Variants in CNTNAP5 observed in about 807,000 individuals in gnomAD.
CNTNAP5 encodes contactin-associated protein-like 5.
CNTNAP5 carries 72 observed loss-of-function variants against 150.2 expected under a neutral mutation model. The observed-to-expected ratio is 0.48, with a 90% confidence interval of 0.40 to 0.58. The LOEUF (loss-of-function observed/expected upper bound fraction) is 0.58. CNTNAP5 is among the 20% of genes least tolerant of loss of function. CNTNAP5 has a pLI of 0.00. For missense variants in CNTNAP5, 1,636 were observed against 1,626.2 expected (o/e 1.01, Z -0.10); for synonymous variants, 672 against 619.8 (o/e 1.08, Z -1.25).
intron 1 of CNTNAP5, among the ~76,000 whole-genome samples, chr2:124,179,712 T>C (rs1285753774): frequency 1.3e-5 from 2 of 152,276 alleles, no homozygotes; most frequent in Admixed American, 1.3e-4. Flanking sequence ...AGGGGTTGGG[T>C]TATTCCAAAT....
In CNTNAP5 at chr2:124,624,860, A is replaced by T. The variant is rs193299632; in HGVS notation, c.1876+14940A>T. ...GAATTTTGTAGTAGAAGCAGCTAAC[A>T]TTTATCCAGCAGCTGCTGGTATTAG... On this transcript the variant is annotated intron_variant, in intron 12 of 23. Transcript: ENST00000682447. Among the ~76,000 whole-genome samples, 4 of 152,262 alleles carry T rather than the reference A, an allele frequency of 2.6e-5. No individual in the cohort carries two copies. The East Asian group carries it at 7.7e-4, about 29-fold the overall frequency.
At chr2:124,539,637 C>T (rs1695331064) in intron 10 of CNTNAP5, among the ~76,000 whole-genome samples, 1 of 152,098 alleles carries the variant, frequency 6.6e-6, no homozygotes, top group Non-Finnish European at 1.5e-5. Context: ...GATATTATTC[C>T]CGCCTGCCTC....
At chr2:124,193,192 C>T (rs889905448) in intron 1 of CNTNAP5, among the ~76,000 whole-genome samples, 4 of 152,178 alleles carry the variant, frequency 2.6e-5, no homozygotes, top group African/African-American at 7.2e-5. Context: ...ATGGCCTTAG[C>T]TTAGCTTAAT....
chr2:124,294,473 C>A (rs1195529045), intron 3 of CNTNAP5, among the ~76,000 whole-genome samples: 2 of 151,710 alleles, frequency 1.3e-5, no homozygotes, highest in Non-Finnish European at 2.9e-5. Flanking sequence ...ATCTTTAGTA[C>A]CAGAGGAGAA....
chr2:124,811,111 C>A (rs1682208010), intron 19 of CNTNAP5, among the ~76,000 whole-genome samples: 1 of 145,072 alleles, frequency 6.9e-6, no homozygotes, highest in Non-Finnish European at 1.5e-5. Flanking sequence ...GAAAACCAAC[C>A]TCACCAAAAT....
intron 3 of CNTNAP5, among the ~76,000 whole-genome samples, chr2:124,365,374 A>G (rs751089301): frequency 7.9e-5 from 12 of 152,234 alleles, no homozygotes; most frequent in Non-Finnish European, 1.6e-4. Context: ...ACTTGCGGGA[A>G]TCTTTGCATA....
intron 3 of CNTNAP5, among the ~76,000 whole-genome samples, chr2:124,343,993 A>G (rs1002251504): frequency 1.3e-5 from 2 of 152,142 alleles, no homozygotes; most frequent in African/African-American, 4.8e-5. Flanking sequence ...ATCTATCCCC[A>G]TGAGAACTCA....
At chr2:124,334,924 A>T (rs894241971) in intron 3 of CNTNAP5, among the ~76,000 whole-genome samples, 1 of 152,156 alleles carries the variant, frequency 6.6e-6, no homozygotes, top group African/African-American at 2.4e-5. Context: ...CAGAGACTCA[A>T]TCCAATGAAC....
intron 1 of CNTNAP5, among the ~76,000 whole-genome samples, chr2:124,128,038 G>A (rs1367687548): frequency 2.6e-5 from 4 of 152,032 alleles, no homozygotes; most frequent in African/African-American, 4.8e-5. Flanking sequence ...AGCAATGGCA[G>A]CAAAAGCCAA....
intron 21 of CNTNAP5, among the ~76,000 whole-genome samples, chr2:124,893,328 G>A (rs1190221553): frequency 1.3e-5 from 2 of 152,084 alleles, no homozygotes; most frequent in African/African-American, 2.4e-5. Context: ...ATTAGAGATC[G>A]ATTTGTGAGA....
rs66534077 is a variant in CNTNAP5 at position 124,212,829 on chromosome 2, C to CTTTTT, written c.83-8853_83-8849dup. ...TGGGACCTACCATGTGTAGATAAAT[C>CTTTTT]TTTTTTTTTTTTTTTTTTTTTTTTT... On this transcript the variant is annotated intron_variant, in intron 1 of 23. Coordinates refer to ENST00000682447, the MANE Select transcript of CNTNAP5 (RefSeq NM_001367498.1). 1.9e-4 allele frequency among the ~76,000 whole-genome samples: 12 copies of CTTTTT among 62,870 alleles called. 1 individual carries two copies. The highest frequency in any genetic ancestry group is 2.3e-4 in the Admixed American group (1 of 4,388). The allele number at this position is 62,870 out of a possible 152,430, so 41.2% of individuals were successfully genotyped here. A position where few individuals can be genotyped will look rare whatever the true frequency, so the allele number is the denominator to read the frequency against.
rs1696250678 is a variant in CNTNAP5, at chr2:124,575,093, G to A, written c.1756+11770G>A. ...TTTTTTCCCACTGCAACCTTGATGA[G>A]GGACGAGGCAAGTACGCTTTAATGT... On this transcript the variant is annotated intron_variant, in intron 11 of 23. Coordinates refer to ENST00000682447, the MANE Select transcript of CNTNAP5 (RefSeq NM_001367498.1). Among the ~76,000 whole-genome samples the A allele has an allele frequency of 2.0e-5, 3 of 152,206 alleles. No individual in the cohort carries two copies. The South Asian group carries it at 6.2e-4, about 32-fold the overall frequency.
intron 1 of CNTNAP5, among the ~76,000 whole-genome samples, chr2:124,136,348 A>G (rs17010908): frequency 0.13 from 20,410 of 152,210 alleles, 1,459 homozygotes; most frequent in Middle Eastern, 0.23. Flanking sequence ...TACAGAACTT[A>G]CAGACTTTCA....
Position 124,705,110 on chromosome 2 carries a change from T to G in CNTNAP5, c.2078-42119T>G, listed in dbSNP as rs188277524. On this transcript the variant is annotated intron_variant, in intron 13 of 23. Transcript: ENST00000682447. ...ATATATATAGTTAAATGTATACATA[T>G]AGTTATGTATTACACACACACTTTT... Among the ~76,000 whole-genome samples the G allele has an allele frequency of 2.6e-4, 39 of 149,982 alleles. No homozygotes were observed. In the East Asian group the frequency reaches 7.4e-3, roughly 28 times the overall value.
intron 10 of CNTNAP5, among the ~76,000 whole-genome samples, chr2:124,548,560 A>G (rs572098014): frequency 1.1e-4 from 16 of 152,346 alleles, no homozygotes; most frequent in Non-Finnish European, 2.2e-4. Context: ...CCAGATCTGC[A>G]TAGGCAGGCT....
intron 19 of CNTNAP5, among the ~76,000 whole-genome samples, chr2:124,845,778 G>A (rs967029231): frequency 2.0e-5 from 3 of 152,060 alleles, no homozygotes; most frequent in East Asian, 1.9e-4. Flanking sequence ...GTGCATAAAG[G>A]TGTTCATAAT....
chr2:124,341,925 TATCTC>T (rs1476566153), intron 3 of CNTNAP5, among the ~76,000 whole-genome samples: 3 of 152,282 alleles, frequency 2.0e-5, no homozygotes, highest in Admixed American at 6.5e-5. Context: ...TAATTTTAGT[TATCTC>T]AAGTCAGAAA....
chr2:124,808,816 G>A (rs2104653931), intron 19 of CNTNAP5, among the ~76,000 whole-genome samples: 1 of 152,054 alleles, frequency 6.6e-6, no homozygotes, highest in East Asian at 1.9e-4. Flanking sequence ...TCCATCCCAG[G>A]CTTATTCTTT....
chr2:124,303,187 G>A (rs1688606400), intron 3 of CNTNAP5, among the ~76,000 whole-genome samples: 1 of 152,012 alleles, frequency 6.6e-6, no homozygotes, highest in Non-Finnish European at 1.5e-5. Flanking sequence ...TCTAAGCCCT[G>A]CTGAATCATT....
Sources: allele counts gnomAD v4.1 joint callset (sites outside exome capture counted in the v4.1 genomes callset), GRCh38; gene constraint gnomAD v4.1.1; transcripts MANE v1.5; gene names NCBI Gene and HGNC (gene_info 2026-07-23, HGNC 2026-07-21).